Variants in C7 observed in about 807,000 individuals in gnomAD.
C7 encodes the protein complement C7.
Under a neutral mutation model 104.8 loss-of-function variants are expected in C7, and 83 were observed. The observed-to-expected ratio is 0.79, with a 90% CI of 0.66 to 0.95. C7 has a LOEUF of 0.95. C7 is among the 40% of genes least tolerant of loss of function. The pLI, the probability that C7 is intolerant of heterozygous loss-of-function variation, is 0.00. For missense variants in C7, 1,070 were observed against 1,011.2 expected (o/e 1.06, Z -0.79); for synonymous variants, 415 against 360.6 (o/e 1.15, Z -1.71).
Position 40,983,505 on chromosome 5 carries a change from G to C in C7, c.*1932G>C, listed in dbSNP as rs1398094392. On this transcript the variant is annotated 3_prime_UTR_variant, in exon 18 of 18. Transcript: ENST00000313164. ...AAGGAGAAGTCAAGGAGAGGAGAAG[G>C]AGAGGAGCAGTGAATGTTGTCGTGA... Among the ~76,000 whole-genome samples, 1 of 152,122 alleles carries C rather than the reference G, an allele frequency of 6.6e-6. No individual in the cohort carries two copies. The highest frequency in any genetic ancestry group is 1.5e-5 in the Non-Finnish European group (1 of 68,028).
At chr5:40,925,630 A>G (rs956313341) in intron 1 of C7, among the ~76,000 whole-genome samples, 1 of 152,282 alleles carries the variant, frequency 6.6e-6, no homozygotes, top group South Asian at 2.1e-4. Flanking sequence ...TTGTGTTGCT[A>G]TAGAGAAATA....
chr5:40,935,578 T>C (rs530781458), intron 4 of C7, among the ~76,000 whole-genome samples: 1 of 152,318 alleles, frequency 6.6e-6, no homozygotes, highest in East Asian at 1.9e-4. Flanking sequence ...AAAACCCATC[T>C]AGGCAGAGAG....
chr5:40,937,290 C>T (rs1319026357), intron 5 of C7: 3 of 234,346 alleles, frequency 1.3e-5, no homozygotes, highest in Non-Finnish European at 2.5e-5. Flanking sequence ...ATGTGTTTCC[C>T]AAATATGTTC....
At position 40,955,523 on chromosome 5, in the gene C7, G is replaced by A. The variant is rs758238846; in HGVS notation, c.1230G>A (p.Val410=). 1.2e-6 allele frequency: 2 copies of A among 1,613,056 alleles called. No individual in the cohort carries two copies. The highest frequency in any genetic ancestry group is 2.2e-5 in the East Asian group (1 of 44,826). ...GATATTCTGCCTGGGCAGAATCTGT[G>A]ACTAATCTTCCTCAAGTCATAAAAC... ...KRRYSAWAES[V]TNLPQVIKQK... Residue 410 remains valine (V), a synonymous_variant, in exon 10 of 18, where the codon GTG becomes GTA. Coordinates refer to ENST00000313164, the MANE Select transcript of C7 (RefSeq NM_000587.4).
chr5:40,945,154 C>A, intron 6 of C7, 44 bp from the exon 7 acceptor site: 1 of 1,034,346 alleles, frequency 9.7e-7, no homozygotes, highest in Non-Finnish European at 1.4e-6. Flanking sequence ...ATAAAGGATC[C>A]AGCATTAATT....
chr5:40,973,994 G>C (rs1740758949), intron 15 of C7, among the ~76,000 whole-genome samples: 1 of 152,118 alleles, frequency 6.6e-6, no homozygotes, highest in Non-Finnish European at 1.5e-5. Flanking sequence ...AGACTTACCA[G>C]CTTCCAAAGT....
intron 7 of C7, among the ~76,000 whole-genome samples, chr5:40,945,912 ATATT>A (rs1740038560): frequency 6.9e-6 from 1 of 144,518 alleles, no homozygotes; most frequent in African/African-American, 2.5e-5. Context: ...ATATATATGT[ATATT>A]TAGTTATAGT....
In C7 at chr5:40,959,541, C is replaced by T. The variant is rs979417571; in HGVS notation, c.1582C>T (p.Pro528Ser). The stretch of plus-strand genomic sequence containing the variant: ...AAGCCGTGAATGCAATAACCCACCT[C>T]CCAGTGGGGGTGGGAGATCCTGCGT... The part of the protein sequence containing the change: ...TRSRECNNPP[P>S]SGGGRSCVGE... Residue 528 changes from proline to serine, a missense_variant, in exon 12 of 18, where the codon CCC becomes TCC. Pro to Ser is a moderately conservative substitution (Grantham distance 74). Coordinates refer to ENST00000313164, the MANE Select transcript of C7 (RefSeq NM_000587.4). 1 of 1,611,178 alleles carries T rather than the reference C, an allele frequency of 6.2e-7. No individual in the cohort carries two copies. The highest frequency in any genetic ancestry group is 8.5e-7 in the Non-Finnish European group (1 of 1,179,184).
At position 40,964,858 on chromosome 5, in the gene C7, G is replaced by C. The variant is rs1471975936; in HGVS notation, c.1867G>C (p.Glu623Gln). Reference protein sequence around the residue: ...CGEDLRWLVGEMHCQKIACVL... With the variant: ...CGEDLRWLVGQMHCQKIACVL... ...AGAAGATTTACGGTGGCTTGTTGGG[G>C]AAATGCATTGTCAGAGTGAGTGGCG... Residue 623 changes from glutamate to glutamine, a missense_variant, in exon 14 of 18, where the codon GAA becomes CAA. Coordinates refer to ENST00000313164, the MANE Select transcript of C7 (RefSeq NM_000587.4). 1.9e-6 allele frequency: 3 copies of C among 1,613,528 alleles called. No individual in the cohort carries two copies. Among genetic ancestry groups the C allele is most frequent in the Non-Finnish European group, 2.5e-6 (3 of 1,179,738 alleles).
chr5:40,915,633 T>G (rs1327256317), intron 1 of C7, among the ~76,000 whole-genome samples: 1 of 152,176 alleles, frequency 6.6e-6, no homozygotes, highest in Non-Finnish European at 1.5e-5. Flanking sequence ...TAAAAACTTA[T>G]ACGATCCACA....
intron 7 of C7, among the ~76,000 whole-genome samples, chr5:40,945,789 T>C (rs1007644247): frequency 6.7e-6 from 1 of 150,024 alleles, no homozygotes; most frequent in African/African-American, 2.4e-5. Context: ...ACTTGAGCCT[T>C]GGAGGGAGAG....
Position 40,956,968 on chromosome 5 carries a change from G to A in C7, c.1261-1065G>A, listed in dbSNP as rs761723697. Among the ~76,000 whole-genome samples the A allele has an allele frequency of 1.3e-4, 20 of 152,284 alleles. No individual in the cohort carries two copies. In the South Asian group the frequency reaches 4.1e-3, roughly 32 times the overall value. On this transcript the variant is annotated intron_variant, in intron 10 of 17. Transcript: ENST00000313164. The stretch of plus-strand genomic sequence containing the variant: ...AGTCTCCATGTACTTTTCCACATAG[G>A]ACTATAAATTATCATATTTGTGCTA...
At chr5:40,947,187 C>T (rs1156587945) in intron 7 of C7, among the ~76,000 whole-genome samples, 11 of 150,334 alleles carry the variant, frequency 7.3e-5, no homozygotes, top group African/African-American at 2.7e-4. Context: ...TCAATCACTG[C>T]CTCCTGGGTT....
In C7 at chr5:40,972,603, C is replaced by T; in HGVS notation, c.2074+9C>T. ...CCGCTGTGTACAAAAAGGTGAGTGG[C>T]TTCCATGTCTATCCAAGGACACTTG... On this transcript the variant is annotated intron_variant, in intron 15 of 17. Coordinates refer to ENST00000313164, the MANE Select transcript of C7 (RefSeq NM_000587.4). 2 of 1,578,416 alleles carry T rather than the reference C, an allele frequency of 1.3e-6. No homozygotes were observed. The highest frequency in any genetic ancestry group is 1.7e-6 in the Non-Finnish European group (2 of 1,163,526).
intron 15 of C7, among the ~76,000 whole-genome samples, chr5:40,975,271 C>T (rs1740790988): frequency 6.6e-6 from 1 of 151,878 alleles, no homozygotes. Flanking sequence ...ATTCAAATAC[C>T]TCATGTTTTA....
chr5:40,968,596 ATATATTTTTTTTTTTTTTT>A (rs1561257511), intron 14 of C7, among the ~76,000 whole-genome samples: 169 of 23,268 alleles, frequency 7.3e-3, no homozygotes, highest in East Asian at 0.018. Flanking sequence ...ATATATATAT[ATATATTTTTTTTTTTTTTT>A]TTTTTTTTTT....
chr5:40,974,154 A>AT (rs879414430), intron 15 of C7, among the ~76,000 whole-genome samples: 9 of 151,798 alleles, frequency 5.9e-5, no homozygotes, highest in Non-Finnish European at 1.2e-4. Context: ...CCATCACCAC[A>AT]TTTTTTTTCA....
At chr5:40,909,941 T>C (rs1400381934) in intron 1 of C7, among the ~76,000 whole-genome samples, 2 of 151,888 alleles carry the variant, frequency 1.3e-5, no homozygotes, top group African/African-American at 4.8e-5. Context: ...ATAGTACTAT[T>C]GTTATTTCTT....
rs751242929 is a variant in C7, at chr5:40,979,715, T to C, written c.2166-10T>C. On this transcript the variant is annotated splice_polypyrimidine_tract_variant and intron_variant, in intron 16 of 17. Transcript: ENST00000313164. Reference sequence around the variant, plus strand: ...ATCTTGTAAATAATGTCATTAAAAATTCTTTTCAGACCTTCCTTGGATGTA... The same window carrying C: ...ATCTTGTAAATAATGTCATTAAAAACTCTTTTCAGACCTTCCTTGGATGTA... 6.3e-7 allele frequency: 1 copy of C among 1,599,228 alleles called. No homozygotes were observed. The highest frequency in any genetic ancestry group is 8.5e-7 in the Non-Finnish European group (1 of 1,171,932).
Sources: allele counts gnomAD v4.1 joint callset (sites outside exome capture counted in the v4.1 genomes callset), GRCh38; gene constraint gnomAD v4.1.1; transcripts MANE v1.5; gene names NCBI Gene and HGNC (gene_info 2026-07-23, HGNC 2026-07-21).